Variants in SYNE1 observed in about 807,000 individuals in gnomAD.
SYNE1 encodes the protein spectrin repeat containing nuclear envelope protein 1.
Under a neutral mutation model 1,111.0 loss-of-function variants are expected in SYNE1, and 616 were observed. The observed-to-expected ratio is 0.55, with a 90% CI of 0.52 to 0.59. The LOEUF is 0.59. SYNE1 is among the 20% of genes least tolerant of loss of function. The pLI is 0.00. For synonymous variants in SYNE1, 3,855 were observed against 3,825.8 expected (o/e 1.01, Z -0.28); for missense variants, 10,006 against 10,417.0 (o/e 0.96, Z 1.72).
At chr6:152,135,553 T>A (rs2056872578) in intron 141 of SYNE1, among the ~76,000 whole-genome samples, 1 of 152,252 alleles carries the variant, frequency 6.6e-6, no homozygotes, top group Non-Finnish European at 1.5e-5. Context: ...CTCTGTGTAG[T>A]CAAATCTTTC....
chr6:152,496,591 C>T (rs9384001), intron 11 of SYNE1, among the ~76,000 whole-genome samples: 30,019 of 152,020 alleles, frequency 0.2, 3,150 homozygotes, highest in Middle Eastern at 0.32. Flanking sequence ...CACCCCTTAC[C>T]CCAAAATCTT....
chr6:152,498,669 G>T, intron 11 of SYNE1, 73 bp downstream of exon 11: 2 of 1,049,532 alleles, frequency 1.9e-6, no homozygotes, highest in South Asian at 1.7e-5. Flanking sequence ...AAACATGCAA[G>T]GGAATGACTA....
chr6:152,351,110 T>C lies in SYNE1; in HGVS notation c.11581-340A>G, dbSNP rs117798046. Among the ~76,000 whole-genome samples the C allele has an allele frequency of 8.9e-3, 1,350 of 152,356 alleles. 7 individuals are homozygous for C. The highest frequency in any genetic ancestry group is 0.014 in the Non-Finnish European group (969 of 68,040). Reference sequence around the variant, plus strand: ...ATCTCAACATAAAAAGGCCACTATCTTTTGATTTTGAGTTCATGAAGTTAG... The same window carrying C: ...ATCTCAACATAAAAAGGCCACTATCCTTTGATTTTGAGTTCATGAAGTTAG... On this transcript the variant is annotated intron_variant, in intron 70 of 145. Coordinates refer to ENST00000367255, the MANE Select transcript of SYNE1 (RefSeq NM_182961.4).
In SYNE1 at chr6:152,148,011, T is replaced by C; in HGVS notation, c.24976+34A>G. ...CAATATTAATTCCCTCTGACTTTCC[T>C]TTAAGCTGGCAAACTGGAGAGGCTC... On this transcript the variant is annotated intron_variant, in intron 137 of 145. Transcript: ENST00000367255. The surrounding 1 kb of genome is among the most constrained non-coding windows in gnomAD (Gnocchi z 4.1). 6.3e-7 allele frequency: 1 copy of C among 1,593,444 alleles called. No homozygotes were observed. Among genetic ancestry groups the C allele is most frequent in the Non-Finnish European group, 8.6e-7 (1 of 1,163,584 alleles).
chr6:152,560,427 G>A (rs1436841820), intron 3 of SYNE1, among the ~76,000 whole-genome samples: 2 of 151,704 alleles, frequency 1.3e-5, no homozygotes, highest in African/African-American at 4.8e-5. Flanking sequence ...AATGAGGAAG[G>A]AGATTGAAGT....
chr6:152,450,120 G>A (rs531032723), intron 27 of SYNE1, among the ~76,000 whole-genome samples: 4 of 152,284 alleles, frequency 2.6e-5, no homozygotes, highest in Non-Finnish European at 4.4e-5. Flanking sequence ...CAGTTACCCC[G>A]CTGCTGCTGT....
In SYNE1 at chr6:152,415,789, T is replaced by TAAAAAAA. The variant is rs1209590450; in HGVS notation, c.6050+591_6050+597dup. On this transcript the variant is annotated intron_variant, in intron 41 of 145. Transcript: ENST00000367255. ...GTCGTTAATCTTATCTTCAAAGTGGTAAAAAAAAAAAAAAAAAAAAAAAAA... is the reference window on the plus strand; with the variant it reads ...GTCGTTAATCTTATCTTCAAAGTGGTAAAAAAAAAAAAAAAAAAAAAAAAAAAAAAAA... Among the ~76,000 whole-genome samples the TAAAAAAA allele has an allele frequency of 6.8e-4, 50 of 73,024 alleles. 1 individual carries two copies. Among genetic ancestry groups the TAAAAAAA allele is most frequent in the African/African-American group, 1.7e-3 (29 of 17,130 alleles). 47.9% of individuals were successfully genotyped at this position (73,024 alleles called of 152,430 possible). A position where few individuals can be genotyped will look rare whatever the true frequency, so the allele number is the denominator to read the frequency against.
rs1223281218 is a variant in SYNE1 at position 152,132,022 on chromosome 6, G to A, written c.26094+100C>T. On this transcript the variant is annotated intron_variant, in intron 144 of 145. Transcript: ENST00000367255. The stretch of plus-strand genomic sequence containing the variant: ...TACCCTGTGTGACAGCCCTCCTCTG[G>A]AGGGGACGCCTGCCTGTGAACCCTG... The A allele has an allele frequency of 4.6e-6, 5 of 1,095,002 alleles. No homozygotes were observed. The Admixed American group carries it at 6.9e-5, about 15-fold the overall frequency. The allele number at this position is 1,095,002 out of a possible 1,614,324, so 67.8% of individuals were successfully genotyped here. A position where few individuals can be genotyped will look rare whatever the true frequency, so the allele number is the denominator to read the frequency against.
In SYNE1 at chr6:152,180,126, C is replaced by A. The variant is rs376484866; in HGVS notation, c.23460+10G>T. On this transcript the variant is annotated intron_variant, in intron 129 of 145. Transcript: ENST00000367255. Reference sequence around the variant, plus strand: ...AAGAATGAAAACCTAAGTAGCCATGCATTCCATACCTTCTTGAGCTTCTCT... The same window carrying A: ...AAGAATGAAAACCTAAGTAGCCATGAATTCCATACCTTCTTGAGCTTCTCT... 3.1e-6 allele frequency: 5 copies of A among 1,613,856 alleles called. No individual in the cohort carries two copies. Among genetic ancestry groups the A allele is most frequent in the Non-Finnish European group, 4.2e-6 (5 of 1,179,912 alleles).
chr6:152,455,765 T>C (rs2098691702), intron 23 of SYNE1, 121 bp downstream of exon 23: 2 of 1,437,132 alleles, frequency 1.4e-6, no homozygotes, highest in South Asian at 2.4e-5. Context: ...AGGACAATGA[T>C]TGGCTTCCAA....
At chr6:152,304,963 T>C (rs1184970180) in intron 91 of SYNE1, among the ~76,000 whole-genome samples, 3 of 152,234 alleles carry the variant, frequency 2.0e-5, no homozygotes, top group African/African-American at 7.2e-5. Flanking sequence ...TGTAAACCTC[T>C]TGTAATCTCA....
chr6:152,188,687 G>A (rs7758071), intron 128 of SYNE1, among the ~76,000 whole-genome samples: 60,161 of 151,508 alleles, frequency 0.4, 12,177 homozygotes, highest in African/African-American at 0.49. Context: ...GGCCAGGCAC[G>A]GTGGCTCACG....
At position 152,334,010 on chromosome 6, in the gene SYNE1, G is replaced by A. The variant is rs995764456; in HGVS notation, c.12792C>T (p.Ala4264=). 12 of 1,614,038 alleles carry A rather than the reference G, an allele frequency of 7.4e-6. No individual in the cohort carries two copies. The highest frequency in any genetic ancestry group is 9.3e-6 in the Non-Finnish European group (11 of 1,180,008). ...EKFTTEWDNL[A]RSDAESTAVH... is the part of the protein sequence containing the mutation. The stretch of plus-strand genomic sequence containing the variant: ...ACCCATGGGAGAATTTCTGTTACCT[G>A]GCCAAGTTATCCCATTCTGTAGTAA... The change falls in exon 77 of 146, where the codon GCC becomes GCT. Residue 4264 remains alanine, a splice_region_variant and synonymous_variant. Transcript: ENST00000367255.
At chr6:152,386,131 TATC>T (rs1402543546) in intron 54 of SYNE1, among the ~76,000 whole-genome samples, 2 of 152,328 alleles carry the variant, frequency 1.3e-5, no homozygotes, top group African/African-American at 4.8e-5. Context: ...TAATAATTAT[TATC>T]ATAACCATTC....
At position 152,218,989 on chromosome 6, in the gene SYNE1, T is replaced by C; in HGVS notation, c.22044+14A>G. 6.2e-6 allele frequency: 10 copies of C among 1,612,954 alleles called. No homozygotes were observed. In the South Asian group the frequency reaches 6.6e-5, roughly 11 times the overall value. On this transcript the variant is annotated intron_variant, in intron 120 of 145. Coordinates refer to ENST00000367255, the MANE Select transcript of SYNE1 (RefSeq NM_182961.4). The stretch of plus-strand genomic sequence containing the variant: ...CAGCCAATATACAGAAGATACTAAA[T>C]AGGAGCTCTGTACCTGTAATGAAGT...
chr6:152,398,943 T>C (rs111619388), intron 48 of SYNE1, among the ~76,000 whole-genome samples: 81 of 152,300 alleles, frequency 5.3e-4, no homozygotes, highest in African/African-American at 1.9e-3. Flanking sequence ...TGAGAAGTTA[T>C]CTCAGAGGAA....
At chr6:152,228,636 T>C (rs2082106580) in intron 115 of SYNE1, among the ~76,000 whole-genome samples, 1 of 152,210 alleles carries the variant, frequency 6.6e-6, no homozygotes. Context: ...CAGTAAAGTT[T>C]ATCACAACCA....
At position 152,211,515 on chromosome 6, in the gene SYNE1, T is replaced by C. The variant is rs1401430218; in HGVS notation, c.22568A>G (p.Glu7523Gly). Residue 7523 changes from glutamate to glycine, a missense_variant, in exon 124 of 146, where the codon GAA becomes GGA. This residue lies in a region of SYNE1 where 2,182 missense variants were observed against 2,287.8 expected (regional missense o/e 0.95). Transcript: ENST00000367255. ...CTACCTGTCATCAACTTGACCTTGT[T>C]CTAGAAGACGTTGCCCATCAATAAT... ...SIIIDGQRLL[E>G]QGQVDDRDEF... 6.2e-7 allele frequency: 1 copy of C among 1,613,822 alleles called. No individual in the cohort carries two copies.
At chr6:152,362,387 T>C in intron 63 of SYNE1, 64 bp from the exon 64 acceptor site, 2 of 1,607,742 alleles carry the variant, frequency 1.2e-6, no homozygotes, top group South Asian at 2.2e-5. Flanking sequence ...AAAATGTCAT[T>C]GTGTCTGCTC....
Sources: gnomAD v4.1 joint callset for allele counts (sites outside exome capture counted in the v4.1 genomes callset) on GRCh38, gnomAD v4.1.1 for gene constraint, gnomAD v4.1.1 regional missense constraint, Gnocchi (gnomAD v3.1) non-coding constraint, MANE v1.5 for transcripts, NCBI Gene and HGNC (gene_info 2026-07-23, HGNC 2026-07-21) for gene names.